The following HIRA variants were observed in gnomAD, a reference collection of about 807,000 sequenced individuals.
HIRA encodes the protein protein HIRA.
Under a neutral mutation model 126.6 loss-of-function variants are expected in HIRA, and 13 were observed. That is an observed-to-expected ratio of 0.10 (90% CI 0.07 to 0.16). HIRA has a LOEUF of 0.16. Ranked by LOEUF, HIRA falls within the 10% of genes least tolerant of loss-of-function variation. The pLI is 1.00. For missense variants in HIRA, 834 were observed against 1,314.4 expected (o/e 0.63, Z 5.65); for synonymous variants, 511 against 520.0 (o/e 0.98, Z 0.24).
intron 5 of HIRA, among the ~76,000 whole-genome samples, chr22:19,401,649 T>C (rs971549094): frequency 6.6e-6 from 1 of 152,226 alleles, no homozygotes; most frequent in African/African-American, 2.4e-5. Flanking sequence ...TCCTTTCCAC[T>C]GTTTGGACCA....
At chr22:19,429,646 T>C (rs1329434203) in intron 1 of HIRA, among the ~76,000 whole-genome samples, 1 of 152,220 alleles carries the variant, frequency 6.6e-6, no homozygotes, top group East Asian at 1.9e-4. Context: ...ACTTGGCTGC[T>C]GATCTGAGTG....
intron 21 of HIRA, 51 bp downstream of exon 21, chr22:19,355,709 G>A: frequency 7.5e-7 from 1 of 1,336,290 alleles, no homozygotes; most frequent in Non-Finnish European, 1.1e-6. Context: ...CTGCTGTCTA[G>A]AGCAGACAGA....
chr22:19,374,841 C>T (rs896103318), intron 15 of HIRA, among the ~76,000 whole-genome samples: 7 of 152,198 alleles, frequency 4.6e-5, no homozygotes, highest in South Asian at 4.1e-4. Context: ...CTATAAACCT[C>T]GCAGTGGGGT....
At chr22:19,416,323 CTTTCT>C (rs1354217908) in intron 1 of HIRA, among the ~76,000 whole-genome samples, 3 of 151,832 alleles carry the variant, frequency 2.0e-5, no homozygotes, top group African/African-American at 4.8e-5. Context: ...TTTTTTCTTT[CTTTCT>C]TTTCTTTTTT....
At position 19,392,267 on chromosome 22, in the gene HIRA, C is replaced by T. The variant is rs938660991; in HGVS notation, c.823-53G>A. On this transcript the variant is annotated intron_variant, in intron 8 of 24. Coordinates refer to ENST00000263208, the MANE Select transcript of HIRA (RefSeq NM_003325.4). ...TAATTAATCAAGCATCAGGCATGTC[C>T]CCTGTGCCCAAGTCCCAGCCCACTG... 3 of 1,145,032 alleles carry T rather than the reference C, an allele frequency of 2.6e-6. No homozygotes were observed. In the Admixed American group the frequency reaches 5.7e-5, roughly 22 times the overall value. 70.9% of individuals were successfully genotyped at this position (1,145,032 alleles called of 1,614,324 possible).
intron 24 of HIRA, among the ~76,000 whole-genome samples, chr22:19,333,896 T>A (rs1260928953): frequency 6.6e-6 from 1 of 152,214 alleles, no homozygotes; most frequent in African/African-American, 2.4e-5. Flanking sequence ...ACTTTTCAAT[T>A]CAGTTATTGT....
At chr22:19,379,497 C>T (rs1364765680) in intron 13 of HIRA, among the ~76,000 whole-genome samples, 2 of 150,588 alleles carry the variant, frequency 1.3e-5, no homozygotes, top group African/African-American at 2.4e-5. Flanking sequence ...TGGTGGTAGG[C>T]GCCTGTAATC....
At chr22:19,413,859 C>T (rs2089374082) in intron 1 of HIRA, among the ~76,000 whole-genome samples, 1 of 152,042 alleles carries the variant, frequency 6.6e-6, no homozygotes, top group African/African-American at 2.4e-5. Context: ...ATCCGACCAC[C>T]TCAGCCTCCC....
chr22:19,361,033 G>C, intron 17 of HIRA, among the ~76,000 whole-genome samples: 1 of 152,352 alleles, frequency 6.6e-6, no homozygotes, highest in East Asian at 1.9e-4. Flanking sequence ...GCCAGACAGA[G>C]GCTATGGGTG....
intron 13 of HIRA, among the ~76,000 whole-genome samples, chr22:19,378,373 G>A (rs1175889780): frequency 6.6e-6 from 1 of 152,202 alleles, no homozygotes; most frequent in Non-Finnish European, 1.5e-5. Flanking sequence ...CATGTCTTAG[G>A]AGGAATGAAA....
chr22:19,355,626 G>A lies in HIRA; in HGVS notation c.2561+134C>T. 1.7e-5 allele frequency: 11 copies of A among 642,366 alleles called. No homozygotes were observed. The South Asian group carries it at 1.8e-4, about 11-fold the overall frequency. 39.8% of individuals were successfully genotyped at this position (642,366 alleles called of 1,614,324 possible). On this transcript the variant is annotated intron_variant, in intron 21 of 24. Transcript: ENST00000263208. ...AGGGGAGCATGCACAGATAGTCAATGCAGCCTGCACTCCAGGGCCTGACTC... is the reference window on the plus strand; with the variant it reads ...AGGGGAGCATGCACAGATAGTCAATACAGCCTGCACTCCAGGGCCTGACTC...
intron 17 of HIRA, among the ~76,000 whole-genome samples, chr22:19,359,795 C>A (rs186541978): frequency 2.7e-4 from 41 of 152,350 alleles, no homozygotes; most frequent in African/African-American, 9.9e-4. Flanking sequence ...CCTGCCACTT[C>A]ATCTCACAAG....
chr22:19,396,668 C>T (rs1055899684), intron 7 of HIRA, 119 bp downstream of exon 7: 47 of 1,006,550 alleles, frequency 4.7e-5, no homozygotes, highest in Middle Eastern at 3.3e-4. Flanking sequence ...CTCAGGCCCC[C>T]GGACTCTGTG....
chr22:19,378,284 G>T (rs1291437366), intron 13 of HIRA, among the ~76,000 whole-genome samples: 1 of 152,204 alleles, frequency 6.6e-6, no homozygotes, highest in Non-Finnish European at 1.5e-5. Flanking sequence ...TACTAAGAAA[G>T]AAAACAATGC....
Position 19,398,206 on chromosome 22 carries a change from ACCTGAAAAAACTCCCC to A in HIRA, c.398-135_398-120del, listed in dbSNP as rs936670507. On this transcript the variant is annotated intron_variant, in intron 5 of 24. Coordinates refer to ENST00000263208, the MANE Select transcript of HIRA (RefSeq NM_003325.4). ...TAACCACTCTGGTATTTTTTAACCA[ACCTGAAAAAACTCCCC>A]CCAGAATTTTTCAATTGGTCATAAA... 13 of 679,260 alleles carry A rather than the reference ACCTGAAAAAACTCCCC, an allele frequency of 1.9e-5. No homozygotes were observed. The African/African-American group carries it at 2.4e-4, about 12-fold the overall frequency. 42.1% of individuals were successfully genotyped at this position (679,260 alleles called of 1,614,324 possible).
At chr22:19,334,936 CTATT>C (rs1293264674) in intron 24 of HIRA, among the ~76,000 whole-genome samples, 4 of 148,286 alleles carry the variant, frequency 2.7e-5, no homozygotes, top group Non-Finnish European at 3.0e-5. Flanking sequence ...TCAATTTTAT[CTATT>C]TGTTAGTTTT....
At chr22:19,386,260 T>C (rs2089126334) in intron 11 of HIRA, among the ~76,000 whole-genome samples, 1 of 152,124 alleles carries the variant, frequency 6.6e-6, no homozygotes, top group Non-Finnish European at 1.5e-5. Context: ...CCTCCTTTAC[T>C]CCCACCCCTC....
intron 8 of HIRA, among the ~76,000 whole-genome samples, chr22:19,393,651 C>T (rs980510606): frequency 5.3e-5 from 8 of 152,118 alleles, no homozygotes; most frequent in Non-Finnish European, 8.8e-5. Context: ...CCACCGTGTC[C>T]GGCCGATACT....
chr22:19,428,383 G>C (rs923631479), intron 1 of HIRA, among the ~76,000 whole-genome samples: 1 of 152,158 alleles, frequency 6.6e-6, no homozygotes, highest in Admixed American at 6.5e-5. Flanking sequence ...GGTGGGTAGA[G>C]GCCAAGGATA....
Sources: gnomAD v4.1 joint callset for allele counts (sites outside exome capture counted in the v4.1 genomes callset) on GRCh38, gnomAD v4.1.1 for gene constraint, MANE v1.5 for transcripts, NCBI Gene and HGNC (gene_info 2026-07-23, HGNC 2026-07-21) for gene names.